Variants in KLHL20 observed in about 807,000 individuals in gnomAD.
KLHL20 encodes kelch-like protein 20.
KLHL20 carries 29 observed loss-of-function variants against 69.5 expected under a neutral mutation model. That is an observed-to-expected ratio of 0.42 (90% CI 0.31 to 0.57). The LOEUF (loss-of-function observed/expected upper bound fraction) is 0.57, where lower values mean the gene tolerates loss of function less well. Among genes scored for constraint, KLHL20 ranks in the 20% least tolerant of loss-of-function variants. The pLI is 0.18. For missense variants in KLHL20, 419 were observed against 776.0 expected, an observed-to-expected ratio of 0.54 and a Z score of 5.47; for synonymous variants, 253 against 265.2, an observed-to-expected ratio of 0.95 and a Z score of 0.45.
At chr1:173,719,544 A>C (rs1248304012) in intron 2 of KLHL20, among the ~76,000 whole-genome samples, 1 of 152,098 alleles carries the variant, frequency 6.6e-6, no homozygotes, top group Non-Finnish European at 1.5e-5. Context: ...ACTTGAACCC[A>C]GCAGGTGGAG....
At chr1:173,756,922 T>TAA in intron 6 of KLHL20, 54 bp from the exon 7 acceptor site, 1 of 1,548,536 alleles carries the variant, frequency 6.5e-7, no homozygotes, top group Middle Eastern at 1.7e-4. Context: ...TAGTGAGTGT[T>TAA]ACATTTTATG....
chr1:173,780,314 A>G (rs190166894), intron 10 of KLHL20, among the ~76,000 whole-genome samples: 14 of 152,370 alleles, frequency 9.2e-5, no homozygotes, highest in Admixed American at 3.3e-4. Flanking sequence ...ACAGCTAACT[A>G]TAATAAATAA....
chr1:173,744,797 T>C (rs1216719806), intron 3 of KLHL20, among the ~76,000 whole-genome samples: 2 of 152,222 alleles, frequency 1.3e-5, no homozygotes, highest in Non-Finnish European at 2.9e-5. Flanking sequence ...CTAGGCCATA[T>C]ACCAGTATGA....
chr1:173,779,989 C>G (rs189320802), intron 10 of KLHL20, among the ~76,000 whole-genome samples: 1 of 152,230 alleles, frequency 6.6e-6, no homozygotes, highest in Admixed American at 6.5e-5. Flanking sequence ...CAAAATATAA[C>G]CCATTAACCA....
chr1:173,762,568 A>G (rs1647378348), intron 7 of KLHL20, among the ~76,000 whole-genome samples: 1 of 152,222 alleles, frequency 6.6e-6, no homozygotes, highest in African/African-American at 2.4e-5. Flanking sequence ...GGATGCAGGG[A>G]TGGTTTAACA....
intron 7 of KLHL20, among the ~76,000 whole-genome samples, chr1:173,763,602 T>G (rs1380696209): frequency 1.3e-5 from 2 of 152,102 alleles, no homozygotes; most frequent in Non-Finnish European, 2.9e-5. Context: ...AGCCAACTGA[T>G]CTTCAACAAA....
intron 2 of KLHL20, among the ~76,000 whole-genome samples, chr1:173,730,809 G>A (rs1308786628): frequency 2.0e-5 from 3 of 152,084 alleles, no homozygotes; most frequent in Non-Finnish European, 4.4e-5. Context: ...CATAGGCATG[G>A]GCAAGGACTT....
intron 8 of KLHL20, among the ~76,000 whole-genome samples, chr1:173,769,780 C>CA (rs5779440): frequency 0.18 from 15,239 of 86,768 alleles, 1,494 homozygotes; most frequent in African/African-American, 0.34. Flanking sequence ...GACCCTGTCT[C>CA]AAAAAAAAAA....
Position 173,786,369 on chromosome 1 carries a change from TAAAA to T in KLHL20, c.*1124_*1127del, listed in dbSNP as rs1051584438. The T allele has an allele frequency of 4.0e-4, 61 of 152,644 alleles. No individual in the cohort carries two copies. The highest frequency in any genetic ancestry group is 9.2e-4 in the Admixed American group (14 of 15,282). 9.5% of individuals were successfully genotyped at this position (152,644 alleles called of 1,614,324 possible). A position where few individuals can be genotyped will look rare whatever the true frequency, so the allele number is the denominator to read the frequency against. Reference sequence around the variant, plus strand: ...ACTTCTCTCAAATTGCACTTTCTGGTAAAAAGTTAAAAATTTTTAAGGAAAAAAT... The same window carrying T: ...ACTTCTCTCAAATTGCACTTTCTGGTAGTTAAAAATTTTTAAGGAAAAAAT... On this transcript the variant is annotated 3_prime_UTR_variant, in exon 12 of 12. Transcript: ENST00000209884.
At chr1:173,759,821 A>G (rs1055256585) in intron 7 of KLHL20, among the ~76,000 whole-genome samples, 3 of 152,176 alleles carry the variant, frequency 2.0e-5, no homozygotes, top group Admixed American at 2.0e-4. Flanking sequence ...AGGCTCTTCA[A>G]CACCCCCAAA....
chr1:173,755,060 T>A, intron 5 of KLHL20, among the ~76,000 whole-genome samples: 1 of 65,488 alleles, frequency 1.5e-5, no homozygotes, highest in East Asian at 4.1e-4. Flanking sequence ...AGTCTTTGTC[T>A]TTTTTTTTTT....
chr1:173,741,564 T>C, intron 3 of KLHL20: 1 of 416,810 alleles, frequency 2.4e-6, no homozygotes, highest in Non-Finnish European at 4.2e-6. Context: ...CAAAATTTTC[T>C]GCATGGTAAA....
At chr1:173,740,824 C>G (rs1370882604) in intron 3 of KLHL20, among the ~76,000 whole-genome samples, 2 of 152,028 alleles carry the variant, frequency 1.3e-5, no homozygotes, top group Admixed American at 6.6e-5. Context: ...ATTTGCCCCC[C>G]CGGATTCTGC....
chr1:173,718,458 T>C (rs1671559420), intron 2 of KLHL20, among the ~76,000 whole-genome samples: 1 of 151,150 alleles, frequency 6.6e-6, no homozygotes, highest in Non-Finnish European at 1.5e-5. Context: ...GGTGAGAGGA[T>C]CACTTGAGTC....
chr1:173,730,222 A>G (rs903515514), intron 2 of KLHL20, among the ~76,000 whole-genome samples: 5 of 152,176 alleles, frequency 3.3e-5, no homozygotes, highest in East Asian at 1.9e-4. Context: ...ATAAAAGAGG[A>G]CACAAACAAA....
chr1:173,766,073 GATTT>G, intron 7 of KLHL20, 69 bp from the exon 8 acceptor site: 2 of 1,216,456 alleles, frequency 1.6e-6, no homozygotes, highest in Non-Finnish European at 2.2e-6. Context: ...TAAATCCATG[GATTT>G]AGAATATGTA....
chr1:173,750,827 C>T (rs7534351), intron 3 of KLHL20, among the ~76,000 whole-genome samples: 150,993 of 152,328 alleles, frequency 0.99, 74,840 homozygotes, highest in East Asian at 1. Context: ...TCCCAAATTG[C>T]TAGGATTACA....
At chr1:173,746,981 G>GT (rs1041092705) in intron 3 of KLHL20, among the ~76,000 whole-genome samples, 2 of 151,240 alleles carry the variant, frequency 1.3e-5, no homozygotes, top group South Asian at 2.1e-4. Flanking sequence ...GCTATTAATA[G>GT]TTTTTTTTAA....
chr1:173,733,787 T>C lies in KLHL20; in HGVS notation c.98T>C (p.Leu33Pro), dbSNP rs750351732. 2 of 1,614,124 alleles carry C rather than the reference T, an allele frequency of 1.2e-6. No homozygotes were observed. The highest frequency in any genetic ancestry group is 1.7e-6 in the Non-Finnish European group (2 of 1,180,030). ...SRCTLGDPNK[L>P]PEGVPQPARM... The stretch of plus-strand genomic sequence containing the variant: ...TGCACCCTTGGAGACCCCAACAAAC[T>C]GCCAGAAGGGGTTCCCCAACCTGCC... Residue 33 changes from leucine (L) to proline (P), a missense_variant, in exon 3 of 12, where the codon CTG becomes CCG. Coordinates refer to ENST00000209884, the MANE Select transcript of KLHL20 (RefSeq NM_014458.4).
Sources: allele counts gnomAD v4.1 joint callset (sites outside exome capture counted in the v4.1 genomes callset), GRCh38; gene constraint gnomAD v4.1.1; transcripts MANE v1.5; gene names NCBI Gene and HGNC (gene_info 2026-07-23, HGNC 2026-07-21).